Variants in RGS6 observed in about 807,000 individuals in gnomAD.
RGS6 encodes the protein regulator of G protein signaling 6, also known as regulator of G-protein signaling 6.
Under a neutral mutation model 78.5 loss-of-function variants are expected in RGS6, and 30 were observed. That is an observed-to-expected ratio of 0.38 (90% CI 0.29 to 0.52). The LOEUF (loss-of-function observed/expected upper bound fraction) is 0.52, where lower values mean the gene tolerates loss of function less well. Ranked by LOEUF, RGS6 falls within the 20% of genes least tolerant of loss-of-function variation. The pLI is 0.85. For synonymous variants in RGS6, 206 were observed against 206.0 expected, an observed-to-expected ratio of 1.00 and a Z score of 0.00; for missense variants, 495 against 609.7, an observed-to-expected ratio of 0.81 and a Z score of 1.98.
At chr14:72,444,262 A>T (rs912146474) in intron 3 of RGS6, among the ~76,000 whole-genome samples, 2 of 152,132 alleles carry the variant, frequency 1.3e-5, no homozygotes, top group African/African-American at 4.8e-5. Context: ...TGGTTGATTT[A>T]TGAGTTGGTA....
chr14:72,420,339 C>T (rs1009538752), intron 3 of RGS6, among the ~76,000 whole-genome samples: 2 of 152,204 alleles, frequency 1.3e-5, no homozygotes, highest in Non-Finnish European at 2.9e-5. Flanking sequence ...ACCCACTTTA[C>T]ATTGGGAGAA....
At chr14:71,940,807 A>G (rs780020496) in intron 1 of RGS6, among the ~76,000 whole-genome samples, 6 of 152,178 alleles carry the variant, frequency 3.9e-5, no homozygotes, top group Non-Finnish European at 8.8e-5. Context: ...TTTGCAAGGC[A>G]TTGGTCAAGG....
intron 3 of RGS6, among the ~76,000 whole-genome samples, chr14:72,432,116 TG>T (rs1597426603): frequency 6.6e-6 from 1 of 152,208 alleles, no homozygotes; most frequent in East Asian, 1.9e-4. Context: ...GCCAGGACAC[TG>T]AATGTGATTC....
intron 2 of RGS6, among the ~76,000 whole-genome samples, chr14:72,272,967 T>G (rs554608364): frequency 6.6e-6 from 1 of 152,102 alleles, no homozygotes; most frequent in Admixed American, 6.5e-5. Flanking sequence ...ATACAAAAAA[T>G]TAGCAGGGCG....
the RGS6 span, among the ~76,000 whole-genome samples, chr14:71,920,045 G>T: frequency 6.6e-6 from 1 of 152,106 alleles, no homozygotes; most frequent in Non-Finnish European, 1.5e-5. Flanking sequence ...GATATGAGTG[G>T]TGTTCAATAT....
chr14:72,487,207 G>C (rs969835109), intron 12 of RGS6, among the ~76,000 whole-genome samples: 3 of 152,268 alleles, frequency 2.0e-5, no homozygotes, highest in Admixed American at 1.3e-4. Flanking sequence ...GGTTGTGATA[G>C]TGGCAGCAAA....
chr14:72,370,592 A>G (rs145270614), intron 3 of RGS6, among the ~76,000 whole-genome samples: 3 of 152,286 alleles, frequency 2.0e-5, no homozygotes, highest in African/African-American at 4.8e-5. Flanking sequence ...AGGCCTAAAA[A>G]TGGATGTCAA....
chr14:72,558,076 C>T (rs1433429241), intron 17 of RGS6, among the ~76,000 whole-genome samples: 3 of 152,002 alleles, frequency 2.0e-5, no homozygotes, highest in Non-Finnish European at 4.4e-5. Flanking sequence ...CAAGTGTATG[C>T]ACCCGTGTAA....
chr14:72,412,453 C>G (rs1343308992), intron 3 of RGS6, among the ~76,000 whole-genome samples: 3 of 152,052 alleles, frequency 2.0e-5, no homozygotes, highest in Non-Finnish European at 2.9e-5. Flanking sequence ...TGATTCTTCT[C>G]TCTTTTCTTC....
At chr14:72,187,574 T>C (rs2097263972) in intron 2 of RGS6, among the ~76,000 whole-genome samples, 1 of 152,150 alleles carries the variant, frequency 6.6e-6, no homozygotes, top group Non-Finnish European at 1.5e-5. Flanking sequence ...GCTTGAAATT[T>C]CAGTCAAATA....
At chr14:71,986,015 G>A (rs1429927029) in intron 2 of RGS6, among the ~76,000 whole-genome samples, 1 of 152,180 alleles carries the variant, frequency 6.6e-6, no homozygotes, top group Admixed American at 6.5e-5. Context: ...CTGCAGCCAA[G>A]TTTGAAGAAT....
At chr14:72,412,533 AT>A in intron 3 of RGS6, among the ~76,000 whole-genome samples, 1 of 152,004 alleles carries the variant, frequency 6.6e-6, no homozygotes, top group African/African-American at 2.4e-5. Flanking sequence ...GGATTCATTT[AT>A]TTTTTTGAAG....
intron 2 of RGS6, among the ~76,000 whole-genome samples, chr14:72,310,715 T>TTTGCACACATCAC (rs1482078902): frequency 1.1e-4 from 16 of 152,152 alleles, no homozygotes; most frequent in Non-Finnish European, 2.2e-4. Flanking sequence ...CACCTTCACA[T>TTTGCACACATCAC]TTGCACACAT....
At chr14:72,169,710 C>T (rs1252513462) in intron 2 of RGS6, among the ~76,000 whole-genome samples, 1 of 152,170 alleles carries the variant, frequency 6.6e-6, no homozygotes, top group Non-Finnish European at 1.5e-5. Flanking sequence ...TGGCTGTGGC[C>T]ATGTGACTGA....
chr14:72,270,395 T>C (rs2059763804), intron 2 of RGS6, among the ~76,000 whole-genome samples: 1 of 152,072 alleles, frequency 6.6e-6, no homozygotes, highest in South Asian at 2.1e-4. Flanking sequence ...GAACTGCCAA[T>C]AGGAAAGGAT....
At chr14:72,559,725 G>C (rs1228080765) in intron 17 of RGS6, among the ~76,000 whole-genome samples, 1 of 152,204 alleles carries the variant, frequency 6.6e-6, no homozygotes, top group Non-Finnish European at 1.5e-5. Flanking sequence ...AAAGCAGTCG[G>C]GGGAAGCGAG....
At chr14:72,196,632 G>C (rs2040230540) in intron 2 of RGS6, among the ~76,000 whole-genome samples, 1 of 152,228 alleles carries the variant, frequency 6.6e-6, no homozygotes, top group South Asian at 2.1e-4. Context: ...GTGTACCACA[G>C]AATTTTCCTT....
At chr14:72,591,574 T>C in the RGS6 span, among the ~76,000 whole-genome samples, 10 of 152,210 alleles carry the variant, frequency 6.6e-5, no homozygotes, top group Admixed American at 3.3e-4. Flanking sequence ...GGGAACTGAA[T>C]GTAAATGAGG....
intron 1 of RGS6, among the ~76,000 whole-genome samples, chr14:71,961,319 G>A (rs2093179372): frequency 6.6e-6 from 1 of 152,178 alleles, no homozygotes; most frequent in African/African-American, 2.4e-5. Flanking sequence ...AGAGCTGGAA[G>A]GAACTCTAAG....
Sources: gnomAD v4.1 joint callset for allele counts (sites outside exome capture counted in the v4.1 genomes callset) on GRCh38, gnomAD v4.1.1 for gene constraint, MANE v1.5 for transcripts, NCBI Gene and HGNC (gene_info 2026-07-23, HGNC 2026-07-21) for gene names.